The following MED19 variants were observed in gnomAD, a reference collection of about 807,000 sequenced individuals.
MED19 encodes the protein mediator complex subunit 19.
A neutral mutation model predicts 19.9 loss-of-function variants in MED19; 4 were observed. That is an observed-to-expected ratio of 0.20 (90% CI 0.10 to 0.46). The LOEUF (loss-of-function observed/expected upper bound fraction) is 0.46, where lower values mean the gene tolerates loss of function less well. MED19 is among the 20% of genes least tolerant of loss of function. The pLI, the probability that MED19 is intolerant of heterozygous loss-of-function variation, is 0.99. For missense variants in MED19, 303 were observed against 318.7 expected (o/e 0.95, Z 0.38); for synonymous variants, 139 against 119.6 (o/e 1.16, Z -1.06).
At chr11:57,704,017 G>C (rs1176357172) in exon 5 of MED19, 4 of 1,535,822 alleles carry the variant, frequency 2.6e-6, no homozygotes, top group Admixed American at 2.0e-5. Flanking sequence ...AGCCATCCTG[G>C]CAAAGAGTCC....
chr11:57,704,254 G>C (rs911193578), intron 4 of MED19, 48 bp downstream of exon 4: 2 of 1,529,116 alleles, frequency 1.3e-6, no homozygotes, highest in Non-Finnish European at 1.7e-6. Context: ...GGACAGGGGT[G>C]AGATCTGGGG....
intron 1 of MED19, among the ~76,000 whole-genome samples, chr11:57,706,359 G>GT (rs1411659785): frequency 9.9e-5 from 15 of 152,042 alleles, no homozygotes; most frequent in African/African-American, 3.4e-4. Flanking sequence ...GAGTAGGCTG[G>GT]TCTTGAACTT....
At chr11:57,711,582 G>A (rs1353254651) in intron 1 of MED19, among the ~76,000 whole-genome samples, 4 of 152,078 alleles carry the variant, frequency 2.6e-5, no homozygotes, top group African/African-American at 7.2e-5. Flanking sequence ...TCGAACTCCT[G>A]ACCTTAGGTG....
At position 57,703,894 on chromosome 11, in the gene MED19, T is replaced by C. The variant is rs1946477330; in HGVS notation, c.*144A>G. On this transcript the variant is annotated 3_prime_UTR_variant, in exon 5 of 5. Transcript: ENST00000431606. ...TCCCTCTCTCTCCTAATTTACTTAG[T>C]CTCAACTGAGCCCAACAGGAGCTGG... The C allele has an allele frequency of 2.3e-6, 3 of 1,311,566 alleles. No homozygotes were observed. The African/African-American group carries it at 4.4e-5, about 19-fold the overall frequency. The allele number at this position is 1,311,566 out of a possible 1,614,324, so 81.2% of individuals were successfully genotyped here.
exon 1 of MED19, chr11:57,712,198 G>C: frequency 1.3e-6 from 2 of 1,505,920 alleles, no homozygotes; most frequent in South Asian, 2.5e-5. Context: ...CCGCCCCGGC[G>C]CTGTCTCCGT....
intron 1 of MED19, among the ~76,000 whole-genome samples, chr11:57,706,853 TTACA>T (rs1199025193): frequency 2.6e-5 from 4 of 152,230 alleles, no homozygotes; most frequent in African/African-American, 9.6e-5. Context: ...AATAGCTATC[TTACA>T]TACACATAAT....
chr11:57,708,132 C>G lies in MED19; in HGVS notation c.218-2903G>C, dbSNP rs549686479. Among the ~76,000 whole-genome samples the G allele has an allele frequency of 2.7e-5, 4 of 149,314 alleles. No homozygotes were observed. The East Asian group carries it at 7.8e-4, about 29-fold the overall frequency. ...TACAGGCGTGAACCACCCTGCCCAA[C>G]AAGATAAAAAAAAAAAAAATTGTTT... On this transcript the variant is annotated intron_variant, in intron 1 of 4. Coordinates refer to ENST00000431606, the Ensembl canonical transcript of MED19.
exon 1 of MED19, chr11:57,712,123 G>C: frequency 1.3e-6 from 2 of 1,529,096 alleles, no homozygotes; most frequent in Non-Finnish European, 1.8e-6. Context: ...AGCCGAGTGC[G>C]GTTGGGGGCG....
exon 2 of MED19, chr11:57,705,057 G>C: frequency 1.9e-6 from 3 of 1,614,204 alleles, no homozygotes; most frequent in Non-Finnish European, 2.5e-6. Flanking sequence ...GCTTCTCAAT[G>C]AGAGAGCGGA....
At chr11:57,706,906 TA>T (rs1218888721) in intron 1 of MED19, among the ~76,000 whole-genome samples, 1 of 151,924 alleles carries the variant, frequency 6.6e-6, no homozygotes, top group African/African-American at 2.4e-5. Flanking sequence ...CTGAAAAGCA[TA>T]AAGTATCAGG....
chr11:57,705,667 A>G (rs1311214423), intron 1 of MED19, among the ~76,000 whole-genome samples: 1 of 151,866 alleles, frequency 6.6e-6, no homozygotes, highest in Non-Finnish European at 1.5e-5. Flanking sequence ...AAAAAAAAAA[A>G]ACAGCAAAAG....
intron 3 of MED19, 77 bp downstream of exon 3, chr11:57,704,642 A>G: frequency 6.4e-7 from 1 of 1,574,160 alleles, no homozygotes; most frequent in South Asian, 1.1e-5. Context: ...TTACCTATGG[A>G]AGTTCAAACC....
chr11:57,705,651 C>CAAA (rs557485819), intron 1 of MED19, among the ~76,000 whole-genome samples: 1 of 58,002 alleles, frequency 1.7e-5, no homozygotes. Flanking sequence ...GACTCTGTCT[C>CAAA]AAAAAAAAAA....
chr11:57,704,698 T>TTTTTTTTTTTTTTTTTTTTTTTTTTTG, intron 3 of MED19, 21 bp downstream of exon 3: 1 of 1,573,014 alleles, frequency 6.4e-7, no homozygotes, highest in Non-Finnish European at 8.6e-7. Flanking sequence ...TTTTTTTGCT[T>TTTTTTTTTTTTTTTTTTTTTTTTTTTG]TGAATAGAAC....
chr11:57,709,912 A>C (rs909427872), intron 1 of MED19, among the ~76,000 whole-genome samples: 1 of 152,158 alleles, frequency 6.6e-6, no homozygotes, highest in Non-Finnish European at 1.5e-5. Flanking sequence ...TCCTGTATCC[A>C]TTTACTTCTC....
intron 1 of MED19, among the ~76,000 whole-genome samples, chr11:57,709,393 AAAAG>A (rs1404891190): frequency 6.6e-6 from 1 of 152,042 alleles, no homozygotes; most frequent in Non-Finnish European, 1.5e-5. Flanking sequence ...AAAAAAAAAA[AAAAG>A]AGGCATCTTG....
intron 1 of MED19, among the ~76,000 whole-genome samples, chr11:57,710,746 A>C (rs1053899710): frequency 1.3e-5 from 2 of 151,938 alleles, no homozygotes; most frequent in East Asian, 3.9e-4. Flanking sequence ...CCCAGGCTGG[A>C]GTGCAGTGGC....
chr11:57,709,707 T>C (rs554134772), intron 1 of MED19, among the ~76,000 whole-genome samples: 2 of 152,300 alleles, frequency 1.3e-5, no homozygotes, highest in Admixed American at 6.5e-5. Flanking sequence ...TACAGGTGCA[T>C]GCTGCTATCC....
intron 1 of MED19, among the ~76,000 whole-genome samples, chr11:57,710,316 T>G (rs1205787430): frequency 1.3e-5 from 2 of 152,226 alleles, no homozygotes; most frequent in Admixed American, 6.5e-5. Context: ...GAGCTATGAT[T>G]ATACCACTGC....
Sources: allele counts gnomAD v4.1 joint callset (sites outside exome capture counted in the v4.1 genomes callset), GRCh38; gene constraint gnomAD v4.1.1; transcripts MANE v1.5; gene names NCBI Gene and HGNC (gene_info 2026-07-23, HGNC 2026-07-21).